Variants in PCCA observed in about 807,000 individuals in gnomAD.
PCCA encodes the protein propionyl-CoA carboxylase subunit alpha, also known as propionyl-CoA carboxylase alpha chain, mitochondrial.
In PCCA, 74 loss-of-function variants were observed where a neutral mutation model predicts 101.3. The ratio of observed to expected loss-of-function variants is 0.73; its 90% CI spans 0.61 to 0.89. The LOEUF (loss-of-function observed/expected upper bound fraction) is 0.89, where lower values mean the gene tolerates loss of function less well. Among genes scored for constraint, PCCA ranks in the 40% least tolerant of loss-of-function variants. The pLI is 0.00. For synonymous variants in PCCA, 294 were observed against 313.6 expected, an observed-to-expected ratio of 0.94 and a Z score of 0.66; for missense variants, 891 against 907.0, an observed-to-expected ratio of 0.98 and a Z score of 0.23.
rs140453403 is a variant in PCCA at position 100,237,569 on chromosome 13, C to T, written c.637+1691C>T. On this transcript the variant is annotated intron_variant, in intron 8 of 23. Transcript: ENST00000376285. ...ATGGTTTGAAATCACTGGTATTCCT[C>T]ATTGCCTAAGAGGCATATAATATAC... 9.1e-4 allele frequency: 139 copies of T among 152,318 alleles called. 1 individual carries two copies. The highest frequency in any genetic ancestry group is 3.3e-3 in the African/African-American group (137 of 41,568). The allele number at this position is 152,318 out of a possible 1,614,324, so 9.4% of individuals were successfully genotyped here.
At chr13:100,507,726 G>A (rs1027462837) in intron 21 of PCCA, among the ~76,000 whole-genome samples, 4 of 151,970 alleles carry the variant, frequency 2.6e-5, no homozygotes, top group African/African-American at 9.7e-5. Context: ...GCGCGATCTC[G>A]GCTCCCTGCA....
chr13:100,437,111 A>G lies in PCCA; in HGVS notation c.1845+11380A>G, dbSNP rs142436898. On this transcript the variant is annotated intron_variant, in intron 20 of 23. Coordinates refer to ENST00000376285, the MANE Select transcript of PCCA (RefSeq NM_000282.4). The stretch of plus-strand genomic sequence containing the variant: ...TTGATAGTATCAATAGGTGTAGGAA[A>G]GGGTCTGCCTCCTGCTATTCCTGGT... Among the ~76,000 whole-genome samples, 10 of 152,286 alleles carry G rather than the reference A, an allele frequency of 6.6e-5. No homozygotes were observed. In the East Asian group the frequency reaches 1.9e-3, roughly 29 times the overall value.
At chr13:100,429,574 TTTA>T (rs1044166818) in intron 20 of PCCA, among the ~76,000 whole-genome samples, 7 of 152,026 alleles carry the variant, frequency 4.6e-5, no homozygotes, top group Non-Finnish European at 4.4e-5. Flanking sequence ...ATCATTAAAT[TTTA>T]TTATTAAACC....
At chr13:100,148,356 C>A (rs1023197455) in intron 4 of PCCA, among the ~76,000 whole-genome samples, 1 of 152,164 alleles carries the variant, frequency 6.6e-6, no homozygotes, top group African/African-American at 2.4e-5. Flanking sequence ...CATCTCTTGG[C>A]TGTCACTCTG....
chr13:100,515,079 G>T (rs1044851184), intron 21 of PCCA, among the ~76,000 whole-genome samples: 3 of 152,192 alleles, frequency 2.0e-5, no homozygotes, highest in African/African-American at 7.2e-5. Context: ...CAGCTCATGG[G>T]ATTTTCCTTG....
intron 6 of PCCA, among the ~76,000 whole-genome samples, chr13:100,158,626 A>G (rs2054110161): frequency 6.6e-6 from 1 of 152,198 alleles, no homozygotes; most frequent in African/African-American, 2.4e-5. Flanking sequence ...CTATTTGAAT[A>G]TAATACTTAA....
In PCCA at chr13:100,289,729, G is replaced by T. The variant is rs921227783; in HGVS notation, c.1066-11731G>T. ...CGTTTTCTCTGTCATTTGTAAAGAT[G>T]ATGTAACTAGTTTCCTTGACTTTCC... On this transcript the variant is annotated intron_variant, in intron 12 of 23. Transcript: ENST00000376285. Among the ~76,000 whole-genome samples, 4 of 151,996 alleles carry T rather than the reference G, an allele frequency of 2.6e-5. No individual in the cohort carries two copies. The South Asian group carries it at 8.3e-4, about 31-fold the overall frequency.
At chr13:100,115,437 T>C (rs2048714762) in intron 4 of PCCA, among the ~76,000 whole-genome samples, 2 of 152,182 alleles carry the variant, frequency 1.3e-5, no homozygotes, top group South Asian at 4.1e-4. Context: ...GGGATGCTTG[T>C]AACACAAATA....
chr13:100,268,866 CA>C, intron 11 of PCCA, 83 bp downstream of exon 11: 1 of 983,616 alleles, frequency 1.0e-6, no homozygotes, highest in South Asian at 1.3e-5. Context: ...TTCACTGACG[CA>C]TGCATTCAGA....
chr13:100,112,126 A>G (rs2048373398), intron 4 of PCCA, 65 bp downstream of exon 4: 2 of 1,139,530 alleles, frequency 1.8e-6, no homozygotes, highest in African/African-American at 1.5e-5. Context: ...AAAGTGAGAC[A>G]TACAGGCTTT....
At chr13:100,336,659 G>T (rs1479045335) in intron 17 of PCCA, among the ~76,000 whole-genome samples, 2 of 152,190 alleles carry the variant, frequency 1.3e-5, no homozygotes, top group Admixed American at 6.5e-5. Context: ...TTGGGTAAAA[G>T]ATTGTGCTCT....
At chr13:100,403,505 G>C (rs181536935) in intron 19 of PCCA, among the ~76,000 whole-genome samples, 3 of 152,304 alleles carry the variant, frequency 2.0e-5, no homozygotes, top group Admixed American at 6.5e-5. Context: ...CACATGGTGA[G>C]AACCACAGTG....
At chr13:100,302,163 ACT>A (rs1428992697) in intron 13 of PCCA, among the ~76,000 whole-genome samples, 1 of 152,094 alleles carries the variant, frequency 6.6e-6, no homozygotes, top group African/African-American at 2.4e-5. Context: ...TTACTCATAA[ACT>A]CTCAGTTCAG....
intron 6 of PCCA, among the ~76,000 whole-genome samples, chr13:100,197,047 A>G (rs2058149965): frequency 6.6e-6 from 1 of 152,132 alleles, no homozygotes; most frequent in East Asian, 1.9e-4. Flanking sequence ...GTCTTCTCTA[A>G]TGTGTTGTCA....
chr13:100,194,641 G>A (rs1330173254), intron 6 of PCCA, among the ~76,000 whole-genome samples: 3 of 151,952 alleles, frequency 2.0e-5, no homozygotes, highest in East Asian at 1.9e-4. Flanking sequence ...GGCTGGTCTC[G>A]AACTCCTGAC....
chr13:100,268,898 C>CAGTGGT, intron 11 of PCCA, 115 bp downstream of exon 11: 1 of 810,984 alleles, frequency 1.2e-6, no homozygotes. Context: ...CACTCTGTTG[C>CAGTGGT]CCAGGCAGTG....
intron 21 of PCCA, among the ~76,000 whole-genome samples, chr13:100,512,785 C>A (rs1345162585): frequency 6.6e-6 from 1 of 152,220 alleles, no homozygotes; most frequent in Non-Finnish European, 1.5e-5. Flanking sequence ...AAAACAACCA[C>A]AAAAACTTAA....
chr13:100,345,372 T>C (rs150949952), intron 18 of PCCA, among the ~76,000 whole-genome samples: 1 of 152,320 alleles, frequency 6.6e-6, no homozygotes, highest in African/African-American at 2.4e-5. Flanking sequence ...GAAAGTTTTA[T>C]AGGTCTGGAT....
intron 2 of PCCA, among the ~76,000 whole-genome samples, chr13:100,105,672 A>C (rs1273230711): frequency 5.4e-5 from 8 of 149,466 alleles, no homozygotes; most frequent in African/African-American, 1.5e-4. Flanking sequence ...AAAAAAAAAA[A>C]AAAAAAACAC....
Sources: allele counts gnomAD v4.1 joint callset (sites outside exome capture counted in the v4.1 genomes callset), GRCh38; gene constraint gnomAD v4.1.1; transcripts MANE v1.5; gene names NCBI Gene and HGNC (gene_info 2026-07-23, HGNC 2026-07-21).